Variants in SP100 observed in about 807,000 individuals in gnomAD.
SP100 encodes the protein SP100 nuclear body protein.
A neutral mutation model predicts 130.0 loss-of-function variants in SP100; 84 were observed. The observed-to-expected ratio is 0.65, with a 90% CI of 0.54 to 0.77. SP100 has a LOEUF of 0.77. Among genes scored for constraint, SP100 ranks in the 30% least tolerant of loss-of-function variants. The pLI, the probability that SP100 is intolerant of heterozygous loss-of-function variation, is 0.00. For missense variants in SP100, 978 were observed against 1,052.2 expected, an observed-to-expected ratio of 0.93 and a Z score of 0.97; for synonymous variants, 331 against 351.7, an observed-to-expected ratio of 0.94 and a Z score of 0.66.
At chr2:230,494,350 C>A in intron 17 of SP100, 66 bp from the exon 18 acceptor site, 2 of 1,191,184 alleles carry the variant, frequency 1.7e-6, no homozygotes, top group Non-Finnish European at 2.5e-6. Context: ...AAACTATTGA[C>A]ATATAAAGTG....
chr2:230,512,681 G>T (rs1690688107), intron 24 of SP100, among the ~76,000 whole-genome samples: 1 of 152,170 alleles, frequency 6.6e-6, no homozygotes, highest in African/African-American at 2.4e-5. Context: ...CCGGGATGGG[G>T]TTGGGGGCAG....
At chr2:230,531,119 C>T (rs1030277142) in intron 24 of SP100, among the ~76,000 whole-genome samples, 9 of 152,252 alleles carry the variant, frequency 5.9e-5, no homozygotes, top group Middle Eastern at 3.4e-3. Context: ...CACATGCACA[C>T]GTATGTTTAC....
At chr2:230,527,486 G>A (rs995273573) in intron 24 of SP100, among the ~76,000 whole-genome samples, 2 of 152,184 alleles carry the variant, frequency 1.3e-5, no homozygotes, top group Non-Finnish European at 2.9e-5. Context: ...AAATGTTAAA[G>A]ACCATCGATG....
At chr2:230,512,039 T>C (rs577880277) in intron 24 of SP100, among the ~76,000 whole-genome samples, 117 of 152,096 alleles carry the variant, frequency 7.7e-4, no homozygotes, top group African/African-American at 2.8e-3. Flanking sequence ...CTAATTTTTT[T>C]AATTTGTTGT....
intron 2 of SP100, among the ~76,000 whole-genome samples, chr2:230,419,916 A>C (rs946713532): frequency 9.9e-5 from 15 of 152,182 alleles, no homozygotes; most frequent in Admixed American, 6.5e-5. Context: ...TTCTTGTTTC[A>C]ATACTGAAAT....
chr2:230,440,381 CA>C (rs1351826250), intron 2 of SP100: 1 of 337,210 alleles, frequency 3.0e-6, no homozygotes, highest in Non-Finnish European at 5.0e-6. Context: ...ATTTGAAAAG[CA>C]TTATCATTTA....
At chr2:230,491,523 A>C (rs1575731785) in intron 17 of SP100, among the ~76,000 whole-genome samples, 1 of 152,244 alleles carries the variant, frequency 6.6e-6, no homozygotes, top group East Asian at 1.9e-4. Flanking sequence ...TGGCTCCAGC[A>C]GAGGAGAAGC....
intron 1 of SP100, chr2:230,416,652 C>T (rs1215039366): frequency 3.9e-6 from 3 of 767,044 alleles, no homozygotes; most frequent in Non-Finnish European, 4.9e-6. Context: ...TCTGTGAACC[C>T]TTTCACCCCT....
chr2:230,519,895 T>TGG lies in SP100; in HGVS notation c.2094+8729_2094+8730insGG, dbSNP rs555803530. Reference sequence around the variant, plus strand: ...GGTTACATGGGTCCACTTATCTAAGTACTTGCAAGAAGAAGGACTCTAAGT... The same window carrying TGG: ...GGTTACATGGGTCCACTTATCTAAGTGGACTTGCAAGAAGAAGGACTCTAAGT... On this transcript the variant is annotated intron_variant, in intron 24 of 28. Coordinates refer to ENST00000340126, the MANE Select transcript of SP100 (RefSeq NM_001080391.2). Among the ~76,000 whole-genome samples, 1,121 of 152,320 alleles carry TGG rather than the reference T, an allele frequency of 7.4e-3. 13 individuals are homozygous for TGG. The highest frequency in any genetic ancestry group is 9.3e-3 in the Non-Finnish European group (634 of 68,018).
chr2:230,466,404 TG>T (rs1276937331), intron 12 of SP100, 50 bp downstream of exon 12: 1 of 920,586 alleles, frequency 1.1e-6, no homozygotes, highest in Non-Finnish European at 1.8e-6. Flanking sequence ...CTTCTCTTCA[TG>T]GTTATAAATG....
intron 24 of SP100, chr2:230,538,317 G>C (rs935835475): frequency 4.6e-5 from 7 of 152,234 alleles, no homozygotes; most frequent in African/African-American, 1.7e-4. Flanking sequence ...CTTTCTTGGG[G>C]CCCACTTGCA....
At chr2:230,437,977 TC>T (rs988234133) in intron 2 of SP100, among the ~76,000 whole-genome samples, 91 of 152,376 alleles carry the variant, frequency 6.0e-4, no homozygotes, top group African/African-American at 1.8e-3. Context: ...GAATTGTTTT[TC>T]AATGCCTGTA....
At position 230,469,097 on chromosome 2, in the gene SP100, G is replaced by A. The variant is rs770281718; in HGVS notation, c.1345+1G>A. The A allele has an allele frequency of 1.5e-5, 24 of 1,584,518 alleles. No homozygotes were observed. Among genetic ancestry groups the A allele is most frequent in the East Asian group, 4.5e-5 (2 of 44,708 alleles). On this transcript the variant is annotated splice_donor_variant, in intron 14 of 28. Coordinates refer to ENST00000340126, the MANE Select transcript of SP100 (RefSeq NM_001080391.2). LOFTEE classifies it high-confidence loss of function. ...TGGAGAATACCCAGCAGGAAGAGAC[G>A]TAAGAGCAATTAAAAACTCTTGATG...
At chr2:230,523,819 G>T (rs2150099507) in intron 24 of SP100, among the ~76,000 whole-genome samples, 1 of 152,112 alleles carries the variant, frequency 6.6e-6, no homozygotes, top group Admixed American at 6.5e-5. Flanking sequence ...TAAGGCAGAA[G>T]AATCGCTTGA....
chr2:230,465,619 G>C (rs977911483), intron 11 of SP100, among the ~76,000 whole-genome samples: 3 of 152,118 alleles, frequency 2.0e-5, no homozygotes, highest in Admixed American at 6.5e-5. Context: ...AGGGAGAGGA[G>C]AAGAAAAGAT....
At chr2:230,478,690 T>A (rs576244085) in intron 17 of SP100, among the ~76,000 whole-genome samples, 4 of 152,342 alleles carry the variant, frequency 2.6e-5, no homozygotes, top group African/African-American at 9.6e-5. Flanking sequence ...ACTTACATTT[T>A]TAAAATCTGG....
At chr2:230,495,590 G>C (rs1327359686) in intron 18 of SP100, among the ~76,000 whole-genome samples, 2 of 152,330 alleles carry the variant, frequency 1.3e-5, no homozygotes, top group Admixed American at 1.3e-4. Flanking sequence ...AAAATGCTGG[G>C]ATTACAGGCA....
intron 8 of SP100, among the ~76,000 whole-genome samples, chr2:230,453,902 C>A (rs1385797108): frequency 6.6e-6 from 1 of 152,148 alleles, no homozygotes; most frequent in Non-Finnish European, 1.5e-5. Flanking sequence ...TGGTAGAATT[C>A]AACAGTGAAA....
intron 8 of SP100, among the ~76,000 whole-genome samples, chr2:230,456,537 T>G (rs1415317044): frequency 6.6e-6 from 1 of 152,222 alleles, no homozygotes; most frequent in Non-Finnish European, 1.5e-5. Flanking sequence ...TATGAATTCC[T>G]GTGATTCAAA....
Sources: allele counts gnomAD v4.1 joint callset (sites outside exome capture counted in the v4.1 genomes callset), GRCh38; gene constraint gnomAD v4.1.1; transcripts MANE v1.5; gene names NCBI Gene and HGNC (gene_info 2026-07-23, HGNC 2026-07-21).